Variants in EXOC6B observed in about 807,000 individuals in gnomAD.
The protein encoded by EXOC6B is SEC15 homolog B.
EXOC6B carries 54 observed loss-of-function variants against 113.5 expected under a neutral mutation model. The ratio of observed to expected loss-of-function variants is 0.48; its 90% CI spans 0.38 to 0.60. The LOEUF is 0.60. Among genes scored for constraint, EXOC6B ranks in the 20% least tolerant of loss-of-function variants. The pLI, the probability that EXOC6B is intolerant of heterozygous loss-of-function variation, is 0.00. For synonymous variants in EXOC6B, 357 were observed against 339.0 expected, an observed-to-expected ratio of 1.05 and a Z score of -0.58; for missense variants, 797 against 977.5, an observed-to-expected ratio of 0.82 and a Z score of 2.46.
At chr2:72,707,800 A>G (rs565185529) in intron 6 of EXOC6B, among the ~76,000 whole-genome samples, 1 of 152,306 alleles carries the variant, frequency 6.6e-6, no homozygotes, top group Admixed American at 6.5e-5. Flanking sequence ...AGTATTTTAC[A>G]TATTATAAAT....
intron 17 of EXOC6B, among the ~76,000 whole-genome samples, chr2:72,470,380 T>C (rs1386623317): frequency 6.6e-6 from 1 of 152,188 alleles, no homozygotes; most frequent in East Asian, 1.9e-4. Context: ...TTTTTTACTG[T>C]TTCATTATTG....
chr2:72,546,882 G>A (rs902281426), intron 8 of EXOC6B, among the ~76,000 whole-genome samples: 1 of 152,220 alleles, frequency 6.6e-6, no homozygotes, highest in Non-Finnish European at 1.5e-5. Flanking sequence ...GCTTATACAA[G>A]GAGATACTCA....
chr2:72,497,673 A>C (rs918097011), intron 13 of EXOC6B, among the ~76,000 whole-genome samples: 4 of 152,212 alleles, frequency 2.6e-5, no homozygotes, highest in African/African-American at 9.6e-5. Flanking sequence ...AGATATGTTC[A>C]TAAACGAGAA....
intron 8 of EXOC6B, among the ~76,000 whole-genome samples, chr2:72,524,677 A>C (rs1313684566): frequency 6.6e-6 from 1 of 152,182 alleles, no homozygotes; most frequent in African/African-American, 2.4e-5. Context: ...ATTCTTCATA[A>C]TGTGCTTATT....
intron 1 of EXOC6B, among the ~76,000 whole-genome samples, chr2:72,823,484 A>AAAAAAAAAAAAAAG (rs1686714461): frequency 7.3e-6 from 1 of 137,590 alleles, no homozygotes. Flanking sequence ...AAAAACAAAA[A>AAAAAAAAAAAAAAG]ACAAAAAAAA....
chr2:72,577,563 C>A (rs1167384213), intron 6 of EXOC6B, among the ~76,000 whole-genome samples: 1 of 140,714 alleles, frequency 7.1e-6, no homozygotes, highest in Non-Finnish European at 1.5e-5. Context: ...AAAATATTGT[C>A]AGTGTTTCAA....
intron 20 of EXOC6B, among the ~76,000 whole-genome samples, chr2:72,330,586 A>G (rs949896706): frequency 2.6e-5 from 4 of 152,066 alleles, no homozygotes; most frequent in Non-Finnish European, 5.9e-5. Flanking sequence ...CACCTTTTCC[A>G]TGAAATATTT....
chr2:72,784,122 T>C (rs1265297450), intron 1 of EXOC6B, among the ~76,000 whole-genome samples: 1 of 152,226 alleles, frequency 6.6e-6, no homozygotes, highest in Non-Finnish European at 1.5e-5. Flanking sequence ...AATGTATGCT[T>C]TGGGTGCCTT....
chr2:72,236,252 C>T (rs1681950968), intron 20 of EXOC6B, among the ~76,000 whole-genome samples: 1 of 152,084 alleles, frequency 6.6e-6, no homozygotes, highest in African/African-American at 2.4e-5. Flanking sequence ...CTTGCAGGCA[C>T]ATGGCAGCTG....
intron 10 of EXOC6B, 96 bp from the exon 11 acceptor site, chr2:72,513,348 C>A: frequency 6.9e-7 from 1 of 1,453,208 alleles, no homozygotes; most frequent in Non-Finnish European, 9.3e-7. Context: ...CCATCAAATG[C>A]AAAGTTAGTG....
chr2:72,458,242 C>T (rs1265002891), intron 18 of EXOC6B, among the ~76,000 whole-genome samples: 1 of 152,114 alleles, frequency 6.6e-6, no homozygotes, highest in Non-Finnish European at 1.5e-5. Context: ...TTTTCAGAAA[C>T]GAACTCTTTT....
intron 19 of EXOC6B, among the ~76,000 whole-genome samples, chr2:72,374,041 C>T (rs776257321): frequency 1.1e-4 from 16 of 151,952 alleles, no homozygotes; most frequent in Non-Finnish European, 1.9e-4. Flanking sequence ...CACTGTATAG[C>T]CTGCGCCTCC....
At chr2:72,805,881 T>C (rs1685553627) in intron 1 of EXOC6B, among the ~76,000 whole-genome samples, 4 of 152,208 alleles carry the variant, frequency 2.6e-5, no homozygotes, top group Admixed American at 2.6e-4. Flanking sequence ...GATCATGTAG[T>C]ATTTCTCTTT....
intron 6 of EXOC6B, among the ~76,000 whole-genome samples, chr2:72,708,386 C>T (rs1679032100): frequency 6.6e-6 from 1 of 152,130 alleles, no homozygotes; most frequent in Non-Finnish European, 1.5e-5. Flanking sequence ...AATTTACATG[C>T]AGTAAAATTT....
At chr2:72,285,341 T>C (rs1046248459) in intron 20 of EXOC6B, among the ~76,000 whole-genome samples, 2 of 151,678 alleles carry the variant, frequency 1.3e-5, no homozygotes, top group Non-Finnish European at 2.9e-5. Context: ...AAAATATATA[T>C]AAAAAAGATA....
chr2:72,656,665 T>C (rs1163722359), intron 6 of EXOC6B, among the ~76,000 whole-genome samples: 1 of 152,152 alleles, frequency 6.6e-6, no homozygotes, highest in Admixed American at 6.5e-5. Flanking sequence ...AATTCTTCTT[T>C]GAAGAATATT....
chr2:72,422,136 G>C (rs972910520), intron 18 of EXOC6B, among the ~76,000 whole-genome samples: 1 of 152,314 alleles, frequency 6.6e-6, no homozygotes, highest in African/African-American at 2.4e-5. Flanking sequence ...CGTGCGGCCC[G>C]AGCCTCCCCA....
chr2:72,474,621 A>G (rs1167759011), intron 17 of EXOC6B, among the ~76,000 whole-genome samples: 1 of 151,996 alleles, frequency 6.6e-6, no homozygotes, highest in Non-Finnish European at 1.5e-5. Context: ...TATTTTTGGT[A>G]TCAATCTCTT....
chr2:72,277,107 T>G (rs531841644), intron 20 of EXOC6B, among the ~76,000 whole-genome samples: 4 of 152,342 alleles, frequency 2.6e-5, no homozygotes, highest in Admixed American at 6.5e-5. Context: ...TTTTGGTTGC[T>G]GCAAGACCAT....
Sources: gnomAD v4.1 joint callset for allele counts (sites outside exome capture counted in the v4.1 genomes callset) on GRCh38, gnomAD v4.1.1 for gene constraint, MANE v1.5 for transcripts, NCBI Gene and HGNC (gene_info 2026-07-23, HGNC 2026-07-21) for gene names.